Variants in H2BC8 observed in about 807,000 individuals in gnomAD.
The protein encoded by H2BC8 is histone H2B type 1-C/E/F/G/I.
In H2BC8, 11 loss-of-function variants were observed where a neutral mutation model predicts 6.3. The ratio of observed to expected loss-of-function variants is 1.75; its 90% CI spans 1.10 to 2.89. The LOEUF is 2.89. Ranked by LOEUF, H2BC8 falls within the 30% of genes most tolerant of loss-of-function variation. The probability of loss-of-function intolerance (pLI) is 0.00; values close to 1 mark genes in which losing one functional copy is unlikely to be tolerated. For missense variants in H2BC8, 195 were observed against 165.2 expected (o/e 1.18, Z -0.99); for synonymous variants, 150 against 65.8 (o/e 2.28, Z -6.19).
Position 26,216,340 on chromosome 6 carries a change from G to T in H2BC8, c.304C>A (p.Leu102Met), listed in dbSNP as rs1287964020. 1.2e-6 allele frequency: 2 copies of T among 1,614,136 alleles called. No homozygotes were observed. Among genetic ancestry groups the T allele is most frequent in the Non-Finnish European group, 8.5e-7 (1 of 1,179,980 alleles). Residue 102 changes from leucine to methionine, a missense_variant, in exon 1 of 1, where the codon CTG (leucine) becomes ATG (methionine). Transcript: ENST00000541790. ...SREIQTAVRL[L>M]LPGELAKHAV... ...TGCTTGGCCAGCTCTCCGGGAAGCA[G>T]CAGACGCACGGCGGTCTGGATCTCC...
At position 26,216,639 on chromosome 6, in the gene H2BC8, G is replaced by GGCAT; in HGVS notation, c.1_4dup (p.Pro2HisfsTer3). 1 of 1,609,860 alleles carries GGCAT rather than the reference G, an allele frequency of 6.2e-7. No homozygotes were observed. The highest frequency in any genetic ancestry group is 1.1e-5 in the South Asian group (1 of 90,616). The stretch of plus-strand genomic sequence containing the variant: ...AGCAGGAGCTGACTTAGCTGGTTCA[G>GGCAT]GCATGCTGTCAGAAAACAATAACAG... On this transcript the variant is annotated frameshift_variant, in exon 1 of 1. Coordinates refer to ENST00000541790, the MANE Select transcript of H2BC8 (RefSeq NM_003518.4). LOFTEE classifies it high-confidence loss of function.
At position 26,216,234 on chromosome 6, in the gene H2BC8, T is replaced by A; in HGVS notation, c.*29A>T. The A allele has an allele frequency of 6.4e-7, 1 of 1,550,736 alleles. No homozygotes were observed. Among genetic ancestry groups the A allele is most frequent in the Middle Eastern group, 1.7e-4 (1 of 5,732 alleles). On this transcript the variant is annotated 3_prime_UTR_variant, in exon 1 of 1. Transcript: ENST00000541790. ...GACTTGAGTGGCTCTGAAAAGAGCCTTTGAGTTTTAAAGCACCTAAGCACA... is the reference window on the plus strand; with the variant it reads ...GACTTGAGTGGCTCTGAAAAGAGCCATTGAGTTTTAAAGCACCTAAGCACA...
Position 26,216,456 on chromosome 6 carries a change from A to G in H2BC8, c.188T>C (p.Met63Thr), listed in dbSNP as rs1561989192. 3 of 1,614,248 alleles carry G rather than the reference A, an allele frequency of 1.9e-6. No individual in the cohort carries two copies. The highest frequency in any genetic ancestry group is 2.5e-6 in the Non-Finnish European group (3 of 1,180,042). Residue 63 changes from methionine to threonine, a missense_variant, in exon 1 of 1, where the codon ATG becomes ACG. By Grantham distance (81) the Met-to-Thr change is moderately conservative (BLOSUM62 -1). Transcript: ENST00000541790. The stretch of plus-strand genomic sequence containing the variant: ...GAAGATGTCGTTAACGAAGGAATTC[A>G]TGATGCCCATGGCCTTGGATGAGAT... The part of the protein sequence containing the change: ...TGISSKAMGI[M>T]NSFVNDIFER...
rs754320179 is a variant in H2BC8, at chr6:26,216,292, C to G, written c.352G>C (p.Ala118Pro). The change falls in exon 1 of 1, where the codon GCT becomes CCT. Residue 118 changes from alanine (A) to proline (P), a missense_variant. Coordinates refer to ENST00000541790, the MANE Select transcript of H2BC8 (RefSeq NM_003518.4). ...TTGGAGCTTGTATACTTGGTGACAGCCTTGGTACCTTCGGACACTGCGTGC... is the reference window on the plus strand; with the variant it reads ...TTGGAGCTTGTATACTTGGTGACAGGCTTGGTACCTTCGGACACTGCGTGC... Reference protein sequence around the residue: ...AKHAVSEGTKAVTKYTSSK With the variant: ...AKHAVSEGTKPVTKYTSSK 6.2e-7 allele frequency: 1 copy of G among 1,611,694 alleles called. No homozygotes were observed. The highest frequency in any genetic ancestry group is 8.5e-7 in the Non-Finnish European group (1 of 1,178,566).
At position 26,216,516 on chromosome 6, in the gene H2BC8, T is replaced by C. The variant is rs758174332; in HGVS notation, c.128A>G (p.Tyr43Cys). 7 of 1,614,128 alleles carry C rather than the reference T, an allele frequency of 4.3e-6. No homozygotes were observed. Among genetic ancestry groups the C allele is most frequent in the South Asian group, 1.1e-5 (1 of 91,092 alleles). The change falls in exon 1 of 1, where the codon TAC becomes TGC. Residue 43 changes from tyrosine to cysteine, a missense_variant. Tyr to Cys is a radical substitution (Grantham distance 194, BLOSUM62 -2). Transcript: ENST00000541790. ...SRKESYSVYV[Y>C]KVLKQVHPDT... ...GGGGTGAACCTGTTTTAGCACCTTG[T>C]ACACATACACGGAGTAGCTCTCCTT...
At position 26,216,644 on chromosome 6, in the gene H2BC8, G is replaced by A. The variant is rs776934484; in HGVS notation, c.-1C>T. The A allele has an allele frequency of 2.5e-5, 41 of 1,609,086 alleles. 1 individual carries two copies. Among genetic ancestry groups the A allele is most frequent in the Admixed American group, 1.0e-4 (6 of 58,398 alleles). ...GAGCTGACTTAGCTGGTTCAGGCATGCTGTCAGAAAACAATAACAGCAGTG... is the reference window on the plus strand; with the variant it reads ...GAGCTGACTTAGCTGGTTCAGGCATACTGTCAGAAAACAATAACAGCAGTG... On this transcript the variant is annotated 5_prime_UTR_variant, in exon 1 of 1. Coordinates refer to ENST00000541790, the MANE Select transcript of H2BC8 (RefSeq NM_003518.4).
Position 26,216,656 on chromosome 6 carries a change from C to G in H2BC8, c.-13G>C, listed in dbSNP as rs201715125. 1 of 1,604,198 alleles carries G rather than the reference C, an allele frequency of 6.2e-7. No homozygotes were observed. The highest frequency in any genetic ancestry group is 2.2e-5 in the East Asian group (1 of 44,802). ...CTGGTTCAGGCATGCTGTCAGAAAA[C>G]AATAACAGCAGTGAGAATGAACGCA... is the stretch of plus-strand genomic sequence containing the variant. On this transcript the variant is annotated 5_prime_UTR_variant, in exon 1 of 1. Transcript: ENST00000541790.
rs1561989404 is a variant in H2BC8, at chr6:26,216,591, G to A, written c.53C>T (p.Ala18Val). The change falls in exon 1 of 1, where the codon GCT (alanine) becomes GTT (valine). Residue 18 changes from alanine (A) to valine (V), a missense_variant. Coordinates refer to ENST00000541790, the MANE Select transcript of H2BC8 (RefSeq NM_003518.4). ...APAPKKGSKK[A>V]VTKAQKKDGK... ...ATCCTTCTTCTGCGCCTTGGTCACAGCCTTCTTGGAACCCTTCTTCGGAGC... is the reference window on the plus strand; with the variant it reads ...ATCCTTCTTCTGCGCCTTGGTCACAACCTTCTTGGAACCCTTCTTCGGAGC... The A allele has an allele frequency of 4.3e-6, 7 of 1,614,200 alleles. No homozygotes were observed. The highest frequency in any genetic ancestry group is 5.9e-6 in the Non-Finnish European group (7 of 1,180,028).
chr6:26,216,477 G>A lies in H2BC8; in HGVS notation c.167C>T (p.Ser56Leu), dbSNP rs1448644205. The stretch of plus-strand genomic sequence containing the variant: ...ATTCATGATGCCCATGGCCTTGGAT[G>A]AGATGCCAGTATCGGGGTGAACCTG... ...LKQVHPDTGI[S>L]SKAMGIMNSF... Residue 56 changes from serine (S) to leucine (L), a missense_variant, in exon 1 of 1, where the codon TCA becomes TTA. Physicochemically the swap from Ser to Leu is moderately radical, Grantham distance 145. Coordinates refer to ENST00000541790, the MANE Select transcript of H2BC8 (RefSeq NM_003518.4). 3 of 1,614,252 alleles carry A rather than the reference G, an allele frequency of 1.9e-6. No individual in the cohort carries two copies. The highest frequency in any genetic ancestry group is 1.7e-5 in the Admixed American group (1 of 60,030).
In H2BC8 at chr6:26,216,643, T is replaced by TA. The variant is rs1561989519; in HGVS notation, c.-1_1insT. ...GGAGCTGACTTAGCTGGTTCAGGCA[T>TA]GCTGTCAGAAAACAATAACAGCAGT... is the stretch of plus-strand genomic sequence containing the variant. On this transcript the variant is annotated 5_prime_UTR_variant, in exon 1 of 1. Coordinates refer to ENST00000541790, the MANE Select transcript of H2BC8 (RefSeq NM_003518.4). The TA allele has an allele frequency of 1.9e-6, 3 of 1,609,454 alleles. No individual in the cohort carries two copies. The Admixed American group carries it at 5.1e-5, about 28-fold the overall frequency.
chr6:26,216,569 C>T lies in H2BC8; in HGVS notation c.75G>A (p.Lys25=), dbSNP rs762848033. The T allele has an allele frequency of 1.9e-6, 3 of 1,614,172 alleles. No homozygotes were observed. The highest frequency in any genetic ancestry group is 1.1e-5 in the South Asian group (1 of 91,086). The change falls in exon 1 of 1, where the codon AAG becomes AAA. Residue 25 remains lysine (K), a synonymous_variant. Transcript: ENST00000541790. ...GACTGCGCTTGCGCTTCTTGCCATC[C>T]TTCTTCTGCGCCTTGGTCACAGCCT... The part of the protein sequence containing the change: ...SKKAVTKAQK[K]DGKKRKRSRK...
Position 26,216,241 on chromosome 6 carries a change from T to C in H2BC8, c.*22A>G. 1.3e-6 allele frequency: 2 copies of C among 1,556,742 alleles called. No individual in the cohort carries two copies. The highest frequency in any genetic ancestry group is 1.2e-5 in the South Asian group (1 of 82,088). ...GTGGCTCTGAAAAGAGCCTTTGAGTTTTAAAGCACCTAAGCACACATTTAC... is the reference window on the plus strand; with the variant it reads ...GTGGCTCTGAAAAGAGCCTTTGAGTCTTAAAGCACCTAAGCACACATTTAC... On this transcript the variant is annotated 3_prime_UTR_variant, in exon 1 of 1. Transcript: ENST00000541790.
In H2BC8 at chr6:26,216,596, C is replaced by T. The variant is rs1207572356; in HGVS notation, c.48G>A (p.Lys16=). 22 of 1,614,044 alleles carry T rather than the reference C, an allele frequency of 1.4e-5. No homozygotes were observed. Among genetic ancestry groups the T allele is most frequent in the Non-Finnish European group, 1.9e-5 (22 of 1,180,030 alleles). The change falls in exon 1 of 1, where the codon AAG becomes AAA. Residue 16 remains lysine (K), a synonymous_variant. Coordinates refer to ENST00000541790, the MANE Select transcript of H2BC8 (RefSeq NM_003518.4). ...TCTTCTGCGCCTTGGTCACAGCCTTCTTGGAACCCTTCTTCGGAGCAGGAG... is the reference window on the plus strand; with the variant it reads ...TCTTCTGCGCCTTGGTCACAGCCTTTTTGGAACCCTTCTTCGGAGCAGGAG... ...KSAPAPKKGS[K]KAVTKAQKKD...
At position 26,216,261 on chromosome 6, in the gene H2BC8, A is replaced by T. The variant is rs199951228; in HGVS notation, c.*2T>A. On this transcript the variant is annotated 3_prime_UTR_variant, in exon 1 of 1. Transcript: ENST00000541790. ...TGAGTTTTAAAGCACCTAAGCACACATTTACTTGGAGCTTGTATACTTGGT... is the reference window on the plus strand; with the variant it reads ...TGAGTTTTAAAGCACCTAAGCACACTTTTACTTGGAGCTTGTATACTTGGT... The T allele has an allele frequency of 6.3e-7, 1 of 1,595,200 alleles. No individual in the cohort carries two copies. Among genetic ancestry groups the T allele is most frequent in the Non-Finnish European group, 8.5e-7 (1 of 1,170,086 alleles).
rs749796846 is a variant in H2BC8, at chr6:26,216,526, C to A, written c.118G>T (p.Val40Leu). The A allele has an allele frequency of 6.2e-6, 10 of 1,614,238 alleles. No individual in the cohort carries two copies. The highest frequency in any genetic ancestry group is 1.1e-5 in the South Asian group (1 of 91,090). Residue 40 changes from valine to leucine, a missense_variant, in exon 1 of 1, where the codon GTG becomes TTG. Coordinates refer to ENST00000541790, the MANE Select transcript of H2BC8 (RefSeq NM_003518.4). Reference protein sequence around the residue: ...RKRSRKESYSVYVYKVLKQVH... With the variant: ...RKRSRKESYSLYVYKVLKQVH... ...TGTTTTAGCACCTTGTACACATACACGGAGTAGCTCTCCTTACGACTGCGC... is the reference window on the plus strand; with the variant it reads ...TGTTTTAGCACCTTGTACACATACAAGGAGTAGCTCTCCTTACGACTGCGC...
At position 26,216,580 on chromosome 6, in the gene H2BC8, C is replaced by A. The variant is rs146142074; in HGVS notation, c.64G>T (p.Ala22Ser). Residue 22 changes from alanine to serine, a missense_variant, in exon 1 of 1, where the codon GCG becomes TCG. Transcript: ENST00000541790. ...KKGSKKAVTKAQKKDGKKRKR... is the reference protein window; with the variant it reads ...KKGSKKAVTKSQKKDGKKRKR... ...CGCTTCTTGCCATCCTTCTTCTGCGCCTTGGTCACAGCCTTCTTGGAACCC... is the reference window on the plus strand; with the variant it reads ...CGCTTCTTGCCATCCTTCTTCTGCGACTTGGTCACAGCCTTCTTGGAACCC... 21 of 1,614,090 alleles carry A rather than the reference C, an allele frequency of 1.3e-5. No homozygotes were observed. In the African/African-American group the frequency reaches 1.9e-4, roughly 14 times the overall value.
Position 26,216,590 on chromosome 6 carries a change from A to G in H2BC8, c.54T>C (p.Ala18=), listed in dbSNP as rs748454377. The change falls in exon 1 of 1, where the codon GCT becomes GCC. Residue 18 remains alanine, a synonymous_variant. Coordinates refer to ENST00000541790, the MANE Select transcript of H2BC8 (RefSeq NM_003518.4). The stretch of plus-strand genomic sequence containing the variant: ...CATCCTTCTTCTGCGCCTTGGTCAC[A>G]GCCTTCTTGGAACCCTTCTTCGGAG... ...APAPKKGSKK[A]VTKAQKKDGK... 29 of 1,614,084 alleles carry G rather than the reference A, an allele frequency of 1.8e-5. No individual in the cohort carries two copies. Among genetic ancestry groups the G allele is most frequent in the African/African-American group, 1.3e-5 (1 of 74,940 alleles).
Position 26,216,676 on chromosome 6 carries a change from A to G in H2BC8, c.-33T>C. ...GAAAACAATAACAGCAGTGAGAATGAACGCACTTAAATAAAAGCTCGTGTC... is the reference window on the plus strand; with the variant it reads ...GAAAACAATAACAGCAGTGAGAATGGACGCACTTAAATAAAAGCTCGTGTC... On this transcript the variant is annotated 5_prime_UTR_variant, in exon 1 of 1. Transcript: ENST00000541790. The G allele has an allele frequency of 6.3e-7, 1 of 1,584,894 alleles. No individual in the cohort carries two copies. Among genetic ancestry groups the G allele is most frequent in the East Asian group, 2.2e-5 (1 of 44,670 alleles).
chr6:26,216,403 G>A lies in H2BC8; in HGVS notation c.241C>T (p.Leu81=), dbSNP rs747050536. ...GTCGAGCGCTTGTTGTAGTGGGCCA[G>A]ACGGGAAGCCTCGCCTGCGATGCGT... ...FERIAGEASR[L]AHYNKRSTIT... The change falls in exon 1 of 1, where the codon CTG becomes TTG. Residue 81 remains leucine (L), a synonymous_variant. Coordinates refer to ENST00000541790, the MANE Select transcript of H2BC8 (RefSeq NM_003518.4). 7 of 1,614,222 alleles carry A rather than the reference G, an allele frequency of 4.3e-6. No homozygotes were observed. The highest frequency in any genetic ancestry group is 3.4e-6 in the Non-Finnish European group (4 of 1,180,046).
Sources: gnomAD v4.1 joint callset for allele counts on GRCh38, gnomAD v4.1.1 for gene constraint, MANE v1.5 for transcripts, NCBI Gene and HGNC (gene_info 2026-07-23, HGNC 2026-07-21) for gene names.